The following GPRC5A variants were observed in gnomAD, a reference collection of about 807,000 sequenced individuals.
GPRC5A encodes the protein G protein-coupled receptor class C group 5 member A.
In GPRC5A, 19 loss-of-function variants were observed where a neutral mutation model predicts 22.5. The observed-to-expected ratio is 0.85, with a 90% CI of 0.59 to 1.24. The LOEUF is 1.24. GPRC5A is among the 50% of genes most tolerant of loss of function. GPRC5A has a pLI of 0.00. For synonymous variants in GPRC5A, 192 were observed against 184.5 expected (o/e 1.04, Z -0.33); for missense variants, 471 against 451.1 (o/e 1.04, Z -0.40).
chr12:12,900,013 G>C lies in GPRC5A; in HGVS notation c.-7-8230G>C, dbSNP rs116206008. On this transcript the variant is annotated intron_variant, in intron 1 of 3. Transcript: ENST00000014914. ...CTTTCCCCATCTCTCTGGTTGCGAA[G>C]AGGAGTCTCAGGTTAGAAACCCAAA... 3.2e-3 allele frequency among the ~76,000 whole-genome samples: 481 copies of C among 152,352 alleles called. 3 individuals are homozygous for C. Among genetic ancestry groups the C allele is most frequent in the African/African-American group, 0.011 (462 of 41,586 alleles).
chr12:12,912,534 A>G lies in GPRC5A; in HGVS notation c.1069A>G (p.Ser357Gly). The change falls in exon 4 of 4, where the codon AGC becomes GGC. Residue 357 changes from serine (S) to glycine (G), a missense_variant. By Grantham distance (56) the Ser-to-Gly change is moderately conservative (BLOSUM62 0). Coordinates refer to ENST00000014914, the MANE Select transcript of GPRC5A (RefSeq NM_003979.4). ...YKDYEVKKEG[S>G] ...AGACTATGAAGTAAAGAAAGAGGGC[A>G]GCTAACTCTGTCCTGAAGAGTGGGA... 6.3e-7 allele frequency: 1 copy of G among 1,588,132 alleles called. No individual in the cohort carries two copies. Among genetic ancestry groups the G allele is most frequent in the Non-Finnish European group, 8.6e-7 (1 of 1,156,274 alleles).
chr12:12,894,928 G>A (rs951529282), intron 1 of GPRC5A, among the ~76,000 whole-genome samples: 1 of 151,784 alleles, frequency 6.6e-6, no homozygotes, highest in Non-Finnish European at 1.5e-5. Flanking sequence ...ACAGGTGCCC[G>A]CCACCATGCC....
intron 1 of GPRC5A, among the ~76,000 whole-genome samples, chr12:12,902,936 G>A (rs757632152): frequency 5.9e-5 from 9 of 152,042 alleles, no homozygotes; most frequent in Non-Finnish European, 1.2e-4. Context: ...GCATGGTGGC[G>A]CATGCCTGTA....
At chr12:12,900,902 A>AC (rs1298898975) in intron 1 of GPRC5A, among the ~76,000 whole-genome samples, 3 of 136,974 alleles carry the variant, frequency 2.2e-5, no homozygotes, top group African/African-American at 5.8e-5. Flanking sequence ...AAAAAAAAAA[A>AC]AAAAAAAAAA....
chr12:12,899,309 G>C (rs1863856891), intron 1 of GPRC5A, among the ~76,000 whole-genome samples: 1 of 152,174 alleles, frequency 6.6e-6, no homozygotes, highest in African/African-American at 2.4e-5. Context: ...AAAGTACTGG[G>C]ATTACAGGCG....
chr12:12,894,919 C>T (rs2136454671), intron 1 of GPRC5A, among the ~76,000 whole-genome samples: 1 of 151,878 alleles, frequency 6.6e-6, no homozygotes, highest in Non-Finnish European at 1.5e-5. Context: ...GCTGGGACTA[C>T]AGGTGCCCGC....
chr12:12,896,859 G>T (rs983752310), intron 1 of GPRC5A, among the ~76,000 whole-genome samples: 2 of 152,154 alleles, frequency 1.3e-5, no homozygotes, highest in African/African-American at 4.8e-5. Context: ...ATATAACAAA[G>T]ATATGGAAAA....
intron 1 of GPRC5A, among the ~76,000 whole-genome samples, chr12:12,897,826 C>T (rs1286596416): frequency 6.6e-6 from 1 of 151,998 alleles, no homozygotes; most frequent in African/African-American, 2.4e-5. Context: ...CCAGGCTGGT[C>T]TCTTAACGCC....
intron 1 of GPRC5A, among the ~76,000 whole-genome samples, chr12:12,893,765 C>T (rs974978009): frequency 2.0e-5 from 3 of 151,890 alleles, no homozygotes; most frequent in Non-Finnish European, 4.4e-5. Context: ...TTTTTGTTTT[C>T]GTTTTTTTGA....
intron 1 of GPRC5A, among the ~76,000 whole-genome samples, chr12:12,897,840 C>T (rs1279323521): frequency 1.3e-5 from 2 of 152,016 alleles, no homozygotes; most frequent in African/African-American, 4.8e-5. Context: ...TAACGCCTGA[C>T]CTCAGGTGAT....
At chr12:12,907,065 A>C (rs1489957766) in intron 1 of GPRC5A, among the ~76,000 whole-genome samples, 1 of 151,296 alleles carries the variant, frequency 6.6e-6, no homozygotes, top group Admixed American at 6.6e-5. Flanking sequence ...AAAAAAAAAA[A>C]ACAAAAACTC....
chr12:12,912,458 C>T lies in GPRC5A; in HGVS notation c.993C>T (p.Pro331=). 3.1e-6 allele frequency: 5 copies of T among 1,609,910 alleles called. No individual in the cohort carries two copies. In the East Asian group the frequency reaches 1.1e-4, roughly 36 times the overall value. Residue 331 remains proline (P), a synonymous_variant, in exon 4 of 4, where the codon CCC becomes CCT. Transcript: ENST00000014914. The stretch of plus-strand genomic sequence containing the variant: ...TGTTTCCTTTTCAGAACCAGCCTCC[C>T]CAAAAGGAATTCTCCATCCCACGGG... ...STHFQLQNQP[P]QKEFSIPRAH...
chr12:12,914,630 T>A lies in GPRC5A; in HGVS notation c.*2091T>A, dbSNP rs1864043937. 7.2e-6 allele frequency: 1 copy of A among 139,468 alleles called. No homozygotes were observed. Among genetic ancestry groups the A allele is most frequent in the Non-Finnish European group, 1.6e-5 (1 of 64,156 alleles). 8.6% of individuals were successfully genotyped at this position (139,468 alleles called of 1,614,324 possible). A position where few individuals can be genotyped will look rare whatever the true frequency, so the allele number is the denominator to read the frequency against. ...TCTCTCTCTCTCTTTCTTTCTTTCT[T>A]TTTGAGATAGAGTCTCACTCTGTCA... is the stretch of plus-strand genomic sequence containing the variant. On this transcript the variant is annotated 3_prime_UTR_variant, in exon 4 of 4. Transcript: ENST00000014914.
chr12:12,897,604 C>T (rs1045112177), intron 1 of GPRC5A, among the ~76,000 whole-genome samples: 6 of 149,324 alleles, frequency 4.0e-5, no homozygotes, highest in African/African-American at 7.3e-5. Flanking sequence ...GGAGCGAATA[C>T]GCTTCTTTTT....
chr12:12,904,425 G>A (rs1255082076), intron 1 of GPRC5A, among the ~76,000 whole-genome samples: 7 of 151,762 alleles, frequency 4.6e-5, no homozygotes, highest in Non-Finnish European at 8.8e-5. Flanking sequence ...CTTCCAGGAG[G>A]GTAGAGTGTT....
At position 12,913,466 on chromosome 12, in the gene GPRC5A, C is replaced by A. The variant is rs1308290478; in HGVS notation, c.*927C>A. On this transcript the variant is annotated 3_prime_UTR_variant, in exon 4 of 4. Coordinates refer to ENST00000014914, the MANE Select transcript of GPRC5A (RefSeq NM_003979.4). Reference sequence around the variant, plus strand: ...CAGGAGAATTTGTAGATCATTCTCACTTCAAATTCCTGGGGCTGATACTTC... The same window carrying A: ...CAGGAGAATTTGTAGATCATTCTCAATTCAAATTCCTGGGGCTGATACTTC... 3 of 152,240 alleles carry A rather than the reference C, an allele frequency of 2.0e-5. No homozygotes were observed. Among genetic ancestry groups the A allele is most frequent in the Non-Finnish European group, 4.4e-5 (3 of 68,046 alleles). 9.4% of individuals were successfully genotyped at this position (152,240 alleles called of 1,614,324 possible).
chr12:12,902,796 G>T (rs1034914989), intron 1 of GPRC5A, among the ~76,000 whole-genome samples: 1 of 152,142 alleles, frequency 6.6e-6, no homozygotes, highest in African/African-American at 2.4e-5. Flanking sequence ...GGCTGGGCAC[G>T]GTGGCTCACG....
chr12:12,912,712 T>C lies in GPRC5A; in HGVS notation c.*173T>C, dbSNP rs1012358678. ...CTTCCATGCTGGGGCTGATGTGGGCTAGTAAGACTCCAGTTCTTAGAGGCG... is the reference window on the plus strand; with the variant it reads ...CTTCCATGCTGGGGCTGATGTGGGCCAGTAAGACTCCAGTTCTTAGAGGCG... On this transcript the variant is annotated 3_prime_UTR_variant, in exon 4 of 4. Coordinates refer to ENST00000014914, the MANE Select transcript of GPRC5A (RefSeq NM_003979.4). 1.2e-5 allele frequency: 7 copies of C among 569,122 alleles called. No individual in the cohort carries two copies. Among genetic ancestry groups the C allele is most frequent in the African/African-American group, 1.9e-5 (1 of 52,658 alleles). The allele number at this position is 569,122 out of a possible 1,614,324, so 35.3% of individuals were successfully genotyped here. A position where few individuals can be genotyped will look rare whatever the true frequency, so the allele number is the denominator to read the frequency against.
At chr12:12,904,162 T>C (rs534492814) in intron 1 of GPRC5A, among the ~76,000 whole-genome samples, 1 of 152,136 alleles carries the variant, frequency 6.6e-6, no homozygotes, top group East Asian at 1.9e-4. Flanking sequence ...TTGAAGGAAA[T>C]AGGGTCTTCC....
Sources: allele counts gnomAD v4.1 joint callset (sites outside exome capture counted in the v4.1 genomes callset), GRCh38; gene constraint gnomAD v4.1.1; transcripts MANE v1.5; gene names NCBI Gene and HGNC (gene_info 2026-07-23, HGNC 2026-07-21).